JAKMIP2: variants seen among roughly 807,000 people sequenced by gnomAD.
The protein encoded by JAKMIP2 is janus kinase and microtubule interacting protein 2, also known as janus kinase and microtubule-interacting protein 2.
JAKMIP2 carries 25 observed loss-of-function variants against 115.0 expected under a neutral mutation model. The observed-to-expected ratio is 0.22, with a 90% CI of 0.16 to 0.30. JAKMIP2 has a LOEUF of 0.30. Among genes scored for constraint, JAKMIP2 ranks in the 10% least tolerant of loss-of-function variants. JAKMIP2 has a pLI of 1.00. For synonymous variants in JAKMIP2, 334 were observed against 343.6 expected (o/e 0.97, Z 0.31); for missense variants, 642 against 957.6 (o/e 0.67, Z 4.35).
At chr5:147,676,858 G>A (rs73797140) in intron 1 of JAKMIP2, among the ~76,000 whole-genome samples, 3,553 of 152,296 alleles carry the variant, frequency 0.023, 148 homozygotes, top group African/African-American at 0.082. Flanking sequence ...GACATTTATT[G>A]AGAAGGAAAT....
intron 1 of JAKMIP2, among the ~76,000 whole-genome samples, chr5:147,758,045 T>C (rs1754808818): frequency 6.6e-6 from 1 of 152,170 alleles, no homozygotes; most frequent in African/African-American, 2.4e-5. Flanking sequence ...TAAATTTGTC[T>C]ATTAAAAGTT....
chr5:147,702,588 GA>G (rs1752386949), intron 1 of JAKMIP2, among the ~76,000 whole-genome samples: 2 of 116,580 alleles, frequency 1.7e-5, no homozygotes, highest in Non-Finnish European at 1.8e-5. Context: ...AGGAAAGAAA[GA>G]AAGAAAGAAA....
intron 11 of JAKMIP2, 22 bp from the exon 12 acceptor site, chr5:147,636,306 G>A (rs372624212): frequency 1.9e-5 from 31 of 1,605,264 alleles, no homozygotes; most frequent in South Asian, 4.4e-5. Context: ...AGAATATCGC[G>A]CAGTCAGCAT....
At chr5:147,704,444 A>G (rs1256241444) in intron 1 of JAKMIP2, among the ~76,000 whole-genome samples, 3 of 152,118 alleles carry the variant, frequency 2.0e-5, no homozygotes, top group African/African-American at 7.2e-5. Flanking sequence ...TGACAGAAAC[A>G]TCATACAGAA....
intron 19 of JAKMIP2, among the ~76,000 whole-genome samples, chr5:147,616,878 T>C (rs2126642136): frequency 6.6e-6 from 1 of 152,292 alleles, no homozygotes; most frequent in Middle Eastern, 3.4e-3. Context: ...AAGTGTCATG[T>C]CCCCCATGAA....
chr5:147,741,669 G>A (rs1161233537), intron 1 of JAKMIP2, among the ~76,000 whole-genome samples: 1 of 152,000 alleles, frequency 6.6e-6, no homozygotes, highest in African/African-American at 2.4e-5. Flanking sequence ...TTTTAACTAA[G>A]GGAAAAATTT....
chr5:147,666,335 T>C (rs1028990384), intron 2 of JAKMIP2, among the ~76,000 whole-genome samples: 2 of 152,134 alleles, frequency 1.3e-5, no homozygotes, highest in African/African-American at 2.4e-5. Context: ...AAACTATTCC[T>C]GAGTAACAAT....
intron 3 of JAKMIP2, among the ~76,000 whole-genome samples, chr5:147,654,250 G>C (rs545528421): frequency 6.6e-6 from 1 of 151,206 alleles, no homozygotes; most frequent in Non-Finnish European, 1.5e-5. Flanking sequence ...ATTCTGTGAA[G>C]AATGTCAATG....
chr5:147,604,800 T>TTTATTATTA lies in JAKMIP2; in HGVS notation c.2413-2998_2413-2990dup, dbSNP rs145441560. Among the ~76,000 whole-genome samples the TTTATTATTA allele has an allele frequency of 2.3e-3, 337 of 143,546 alleles. 2 individuals carry two copies. Among genetic ancestry groups the TTTATTATTA allele is most frequent in the East Asian group, 0.018 (88 of 4,844 alleles). 94.2% of individuals were successfully genotyped at this position (143,546 alleles called of 152,430 possible). On this transcript the variant is annotated intron_variant, in intron 20 of 21. Transcript: ENST00000616793. ...ATTCCTGGTGTCTTGGGCCAGACAT[T>TTTATTATTA]TTATTATTATTATTATTATTATTAT...
chr5:147,630,742 A>G (rs1757316635), intron 14 of JAKMIP2, among the ~76,000 whole-genome samples: 1 of 152,192 alleles, frequency 6.6e-6, no homozygotes, highest in South Asian at 2.1e-4. Flanking sequence ...GACCAGGAAT[A>G]GCAGGCAGCA....
At chr5:147,669,177 T>A (rs1325857638) in intron 2 of JAKMIP2, among the ~76,000 whole-genome samples, 1 of 152,188 alleles carries the variant, frequency 6.6e-6, no homozygotes, top group Non-Finnish European at 1.5e-5. Context: ...ACAATCCTAT[T>A]TATTTATAAT....
chr5:147,633,892 G>T lies in JAKMIP2; in HGVS notation c.1678-1114C>A, dbSNP rs1028281704. 4.6e-5 allele frequency among the ~76,000 whole-genome samples: 7 copies of T among 152,074 alleles called. No homozygotes were observed. In the South Asian group the frequency reaches 1.5e-3, roughly 32 times the overall value. On this transcript the variant is annotated intron_variant, in intron 12 of 21. Coordinates refer to ENST00000616793, the MANE Select transcript of JAKMIP2 (RefSeq NM_001270941.2). ...TTTAGTAGAGACAGGGTTTCACCAC[G>T]TTGGCCAGGCTGGTCTTGAACTCCT... is the stretch of plus-strand genomic sequence containing the variant.
chr5:147,754,352 T>C (rs558762483), intron 1 of JAKMIP2, among the ~76,000 whole-genome samples: 1 of 152,188 alleles, frequency 6.6e-6, no homozygotes, highest in South Asian at 2.1e-4. Flanking sequence ...AAATAAGCCA[T>C]TGCCTCTGCC....
intron 1 of JAKMIP2, among the ~76,000 whole-genome samples, chr5:147,749,554 T>C (rs943683886): frequency 1.3e-5 from 2 of 152,192 alleles, no homozygotes; most frequent in African/African-American, 4.8e-5. Context: ...TGACACTCTG[T>C]GAGTTGTGCA....
rs930296499 is a variant in JAKMIP2 at position 147,615,699 on chromosome 5, A to G, written c.2346+2212T>C. On this transcript the variant is annotated intron_variant, in intron 19 of 21. Coordinates refer to ENST00000616793, the MANE Select transcript of JAKMIP2 (RefSeq NM_001270941.2). ...AAAATGCTATTTATTATGATATATC[A>G]TAATTATTTTTCTTTGTGTTGATCA... Among the ~76,000 whole-genome samples, 3 of 152,290 alleles carry G rather than the reference A, an allele frequency of 2.0e-5. No individual in the cohort carries two copies. The East Asian group carries it at 5.8e-4, about 29-fold the overall frequency.
intron 2 of JAKMIP2, among the ~76,000 whole-genome samples, chr5:147,664,690 A>AT (rs1759206110): frequency 6.6e-6 from 1 of 151,580 alleles, no homozygotes; most frequent in African/African-American, 2.4e-5. Context: ...TTTTCTTTGC[A>AT]TTTTTTTGCC....
intron 1 of JAKMIP2, among the ~76,000 whole-genome samples, chr5:147,678,923 A>G (rs1198241429): frequency 6.6e-6 from 1 of 152,064 alleles, no homozygotes. Context: ...GAAAGTAAAA[A>G]TATCCTAGAA....
chr5:147,641,913 G>C (rs1432394199), intron 7 of JAKMIP2, 149 bp from the exon 8 acceptor site: 1 of 620,006 alleles, frequency 1.6e-6, no homozygotes, highest in African/African-American at 1.9e-5. Flanking sequence ...TTTTGGGATT[G>C]ATACTTAAAT....
intron 2 of JAKMIP2, among the ~76,000 whole-genome samples, chr5:147,665,212 A>G (rs562348372): frequency 6.0e-4 from 91 of 152,290 alleles, no homozygotes; most frequent in African/African-American, 2.1e-3. Flanking sequence ...ATTCATTTAC[A>G]TATTGCTTAA....
Sources: gnomAD v4.1 joint callset for allele counts (sites outside exome capture counted in the v4.1 genomes callset) on GRCh38, gnomAD v4.1.1 for gene constraint, MANE v1.5 for transcripts, NCBI Gene and HGNC (gene_info 2026-07-23, HGNC 2026-07-21) for gene names.